PRKCQ: variants seen among roughly 807,000 people sequenced by gnomAD.
PRKCQ encodes protein kinase C theta type.
A neutral mutation model predicts 91.2 loss-of-function variants in PRKCQ; 41 were observed. The ratio of observed to expected loss-of-function variants is 0.45; its 90% CI spans 0.35 to 0.58. The LOEUF is 0.58. Ranked by LOEUF, PRKCQ falls within the 20% of genes least tolerant of loss-of-function variation. The pLI, the probability that PRKCQ is intolerant of heterozygous loss-of-function variation, is 0.00. For synonymous variants in PRKCQ, 307 were observed against 316.9 expected (o/e 0.97, Z 0.33); for missense variants, 673 against 896.5 (o/e 0.75, Z 3.18).
At chr10:6,501,505 C>T (rs971224042) in intron 4 of PRKCQ, among the ~76,000 whole-genome samples, 4 of 151,770 alleles carry the variant, frequency 2.6e-5, no homozygotes, top group Admixed American at 2.6e-4. Flanking sequence ...GCAACTGCAT[C>T]CTAAAGTGTA....
chr10:6,412,134 G>T, the PRKCQ span, among the ~76,000 whole-genome samples: 1 of 152,132 alleles, frequency 6.6e-6, no homozygotes, highest in Non-Finnish European at 1.5e-5. Context: ...CATAGCTCAA[G>T]CTCCTCGACT....
intron 11 of PRKCQ, among the ~76,000 whole-genome samples, chr10:6,483,137 G>A (rs143253237): frequency 3.3e-5 from 5 of 152,326 alleles, no homozygotes; most frequent in African/African-American, 1.2e-4. Context: ...AACACCGTGT[G>A]AAACAGGAAG....
chr10:6,503,649 C>G (rs1838034626), intron 4 of PRKCQ, among the ~76,000 whole-genome samples: 1 of 151,050 alleles, frequency 6.6e-6, no homozygotes, highest in African/African-American at 2.4e-5. Context: ...TCCTTATCCC[C>G]CAATCATTTT....
the PRKCQ span, among the ~76,000 whole-genome samples, chr10:6,401,523 T>A: frequency 9.9e-3 from 1,495 of 151,606 alleles, 35 homozygotes; most frequent in African/African-American, 0.034. Flanking sequence ...TTTTTTTTTT[T>A]AAATATTGAT....
At chr10:6,527,719 C>T (rs1479078737) in intron 1 of PRKCQ, among the ~76,000 whole-genome samples, 1 of 152,160 alleles carries the variant, frequency 6.6e-6, no homozygotes, top group Admixed American at 6.5e-5. Context: ...CAGGCTCCCA[C>T]AATGACAAAA....
chr10:6,496,737 T>C (rs1376047421), intron 7 of PRKCQ, among the ~76,000 whole-genome samples: 2 of 151,944 alleles, frequency 1.3e-5, no homozygotes, highest in African/African-American at 2.4e-5. Context: ...TGCGGTGGCA[T>C]GGTCCTGGTT....
chr10:6,497,369 G>T lies in PRKCQ; in HGVS notation c.543-118C>A. ...AAGATCACAGAGCAGTTTCTGATCA[G>T]CAGCCCTGTTGTATCATTTGCCAAG... is the stretch of plus-strand genomic sequence containing the variant. On this transcript the variant is annotated intron_variant, in intron 5 of 17. Coordinates refer to ENST00000263125, the MANE Select transcript of PRKCQ (RefSeq NM_006257.5). The surrounding 1 kb of genome is among the most constrained non-coding windows in gnomAD (Gnocchi z 4.5). 1 of 1,193,528 alleles carries T rather than the reference G, an allele frequency of 8.4e-7. No individual in the cohort carries two copies. The highest frequency in any genetic ancestry group is 1.2e-6 in the Non-Finnish European group (1 of 804,730). The allele number at this position is 1,193,528 out of a possible 1,614,324, so 73.9% of individuals were successfully genotyped here.
intron 4 of PRKCQ, among the ~76,000 whole-genome samples, chr10:6,500,851 C>T (rs1837868172): frequency 1.3e-5 from 2 of 152,172 alleles, no homozygotes; most frequent in South Asian, 2.1e-4. Flanking sequence ...TTATTCCTCA[C>T]CCTTGCATGG....
At chr10:6,549,150 G>A (rs1840086845) in intron 1 of PRKCQ, among the ~76,000 whole-genome samples, 1 of 152,180 alleles carries the variant, frequency 6.6e-6, no homozygotes, top group African/African-American at 2.4e-5. Flanking sequence ...GGCCATATAA[G>A]TAATGAACAT....
rs536924968 is a variant in PRKCQ, at chr10:6,448,831, G to A, written c.1648-6750C>T. ...GATACCCAGGCAAACAGGGTCTGGA[G>A]TGGACCTCTAGCAAACTCCAACAGA... On this transcript the variant is annotated intron_variant, in intron 15 of 17. Transcript: ENST00000263125. Among the ~76,000 whole-genome samples the A allele has an allele frequency of 3.3e-3, 500 of 152,208 alleles. 5 individuals carry two copies. Among genetic ancestry groups the A allele is most frequent in the Non-Finnish European group, 4.2e-3 (285 of 68,018 alleles).
chr10:6,508,964 G>A (rs567322036), intron 3 of PRKCQ, among the ~76,000 whole-genome samples: 43 of 152,284 alleles, frequency 2.8e-4, no homozygotes, highest in African/African-American at 9.9e-4. Flanking sequence ...ATTTTCTTTA[G>A]AGAAATTAGT....
intron 15 of PRKCQ, 132 bp downstream of exon 15, chr10:6,456,542 G>C (rs1835016741): frequency 7.4e-6 from 9 of 1,213,858 alleles, no homozygotes; most frequent in Non-Finnish European, 1.0e-5. Context: ...TGGCGTTTAT[G>C]AGATACTTAA....
In PRKCQ at chr10:6,430,993, C is replaced by T. The variant is rs1259239846; in HGVS notation, c.1837-55G>A. On this transcript the variant is annotated intron_variant, in intron 16 of 17. Coordinates refer to ENST00000263125, the MANE Select transcript of PRKCQ (RefSeq NM_006257.5). This position sits in a 1 kb window ranked among gnomAD's most constrained non-coding sequence, Gnocchi z 4.7. ...GTCTCCAGGGATGACCCTTTTGCAT[C>T]AGGAGGTCGTGGTGCTTCCTGGTGC... 4 of 1,583,146 alleles carry T rather than the reference C, an allele frequency of 2.5e-6. No homozygotes were observed. Among genetic ancestry groups the T allele is most frequent in the South Asian group, 2.3e-5 (2 of 87,526 alleles).
At chr10:6,440,255 G>A (rs1275346409) in intron 16 of PRKCQ, among the ~76,000 whole-genome samples, 2 of 152,150 alleles carry the variant, frequency 1.3e-5, no homozygotes, top group Non-Finnish European at 2.9e-5. Context: ...GAACAGACTA[G>A]TACACTGCCC....
chr10:6,540,997 T>C (rs891627293), intron 1 of PRKCQ, among the ~76,000 whole-genome samples: 3 of 152,212 alleles, frequency 2.0e-5, no homozygotes, highest in African/African-American at 7.2e-5. Flanking sequence ...TTTTCATGAG[T>C]GTCAATATCA....
Position 6,486,049 on chromosome 10 carries a change from C to A in PRKCQ, c.886G>T (p.Glu296Ter). The change falls in exon 9 of 18, where the codon GAG (glutamate) becomes TAG (stop). Residue 296 changes from glutamate (E) to a stop codon, truncating the protein, a stop_gained. Transcript: ENST00000263125. LOFTEE classifies it high-confidence loss of function. ...KLMAEALAMIESTQQARCLRD... is the reference protein window; with the variant it reads ...KLMAEALAMI ...CATGCTCCTACCTGTTGAGTGCTCT[C>A]AATCATGGCCAGCGCTTCAGCCATT... The A allele has an allele frequency of 6.2e-7, 1 of 1,613,930 alleles. No individual in the cohort carries two copies. The highest frequency in any genetic ancestry group is 1.1e-5 in the South Asian group (1 of 91,082).
chr10:6,575,077 C>T (rs1170583414), intron 1 of PRKCQ, among the ~76,000 whole-genome samples: 1 of 152,072 alleles, frequency 6.6e-6, no homozygotes, highest in Non-Finnish European at 1.5e-5. Flanking sequence ...GAGTTTCATG[C>T]TAGAGGAAAA....
chr10:6,443,770 A>G (rs1162151038), intron 15 of PRKCQ, among the ~76,000 whole-genome samples: 1 of 152,210 alleles, frequency 6.6e-6, no homozygotes, highest in African/African-American at 2.4e-5. Context: ...GTGAACCTTG[A>G]TAACATTATG....
At chr10:6,490,294 C>A (rs536756661) in intron 8 of PRKCQ, among the ~76,000 whole-genome samples, 1 of 151,912 alleles carries the variant, frequency 6.6e-6, no homozygotes, top group African/African-American at 2.4e-5. Context: ...GGGGAGAATG[C>A]GGAAGATGCT....
Sources: allele counts gnomAD v4.1 joint callset (sites outside exome capture counted in the v4.1 genomes callset), GRCh38; gene constraint gnomAD v4.1.1; non-coding constraint Gnocchi (gnomAD v3.1); transcripts MANE v1.5; gene names NCBI Gene and HGNC (gene_info 2026-07-23, HGNC 2026-07-21).